The following DPP6 variants were observed in gnomAD, a reference collection of about 807,000 sequenced individuals.
DPP6 encodes the protein dipeptidyl peptidase like 6, also known as A-type potassium channel modulatory protein DPP6.
DPP6 carries 69 observed loss-of-function variants against 122.6 expected under a neutral mutation model. The observed-to-expected ratio is 0.56, with a 90% CI of 0.46 to 0.69. The LOEUF (loss-of-function observed/expected upper bound fraction) is 0.69. Among genes scored for constraint, DPP6 ranks in the 30% least tolerant of loss-of-function variants. The pLI is 0.00. For missense variants in DPP6, 928 were observed against 1,116.9 expected, an observed-to-expected ratio of 0.83 and a Z score of 2.41; for synonymous variants, 418 against 433.1, an observed-to-expected ratio of 0.97 and a Z score of 0.43.
chr7:154,443,590 G>A (rs1285557676), intron 1 of DPP6, among the ~76,000 whole-genome samples: 1 of 149,772 alleles, frequency 6.7e-6, no homozygotes, highest in Non-Finnish European at 1.5e-5. Context: ...GGATGGATGA[G>A]TGGATGGATG....
intron 1 of DPP6, among the ~76,000 whole-genome samples, chr7:154,157,463 G>T (rs1429948556): frequency 2.6e-5 from 4 of 152,178 alleles, no homozygotes; most frequent in Admixed American, 6.6e-5. Flanking sequence ...TCAAAGTAAT[G>T]TATGCACAAC....
At chr7:154,542,110 C>A (rs1828775615) in intron 4 of DPP6, among the ~76,000 whole-genome samples, 1 of 151,938 alleles carries the variant, frequency 6.6e-6, no homozygotes, top group Admixed American at 6.6e-5. Context: ...TGCATGCTGC[C>A]CCTAACATAG....
In DPP6 at chr7:154,264,211, C is replaced by T. The variant is rs139836889; in HGVS notation, c.244-182003C>T. Among the ~76,000 whole-genome samples the T allele has an allele frequency of 1.1e-4, 17 of 152,242 alleles. 1 individual carries two copies. The highest frequency in any genetic ancestry group is 3.3e-4 in the Admixed American group (5 of 15,294). On this transcript the variant is annotated intron_variant, in intron 1 of 25. Coordinates refer to ENST00000377770, the MANE Select transcript of DPP6 (RefSeq NM_130797.4). The stretch of plus-strand genomic sequence containing the variant: ...GCACTGAGTTCAAGTATCCCTAATT[C>T]TCATTATGTGTAATGCATTTACTGT...
intron 5 of DPP6, among the ~76,000 whole-genome samples, chr7:154,570,967 A>C (rs1476255773): frequency 6.6e-6 from 1 of 152,210 alleles, no homozygotes; most frequent in Non-Finnish European, 1.5e-5. Flanking sequence ...CCAGCATTAT[A>C]GTTTGCAATG....
At chr7:154,594,451 A>G (rs988100247) in intron 5 of DPP6, among the ~76,000 whole-genome samples, 8 of 152,316 alleles carry the variant, frequency 5.3e-5, no homozygotes, top group African/African-American at 1.4e-4. Context: ...CAATGAATCA[A>G]TGATGAATAA....
In DPP6 at chr7:154,420,267, C is replaced by T. The variant is rs191882043; in HGVS notation, c.244-25947C>T. ...CAGAGAATTGCTTGAACCCAAGAGG[C>T]GGAGGTTGTAGTCAGCCGAGATGGA... On this transcript the variant is annotated intron_variant, in intron 1 of 25. Transcript: ENST00000377770. Among the ~76,000 whole-genome samples, 919 of 152,236 alleles carry T rather than the reference C, an allele frequency of 6.0e-3. 9 individuals are homozygous for T. The highest frequency in any genetic ancestry group is 0.02 in the African/African-American group (838 of 41,538).
At chr7:154,423,566 A>T (rs1388569078) in intron 1 of DPP6, among the ~76,000 whole-genome samples, 2 of 152,210 alleles carry the variant, frequency 1.3e-5, no homozygotes, top group African/African-American at 4.8e-5. Context: ...AGGCCTAGTT[A>T]AAAAAGGATT....
chr7:154,278,067 C>G (rs950109423), intron 1 of DPP6, among the ~76,000 whole-genome samples: 1 of 152,172 alleles, frequency 6.6e-6, no homozygotes, highest in East Asian at 1.9e-4. Context: ...AAATAAAAAG[C>G]CAGGCCCTCT....
chr7:154,727,902 G>A lies in DPP6; in HGVS notation c.883+15G>A, dbSNP rs200888245. On this transcript the variant is annotated intron_variant, in intron 8 of 25. Transcript: ENST00000377770. ...GCTGTATGAAGGTAAGATGTGCACA[G>A]AGAGAAAAAAGGAAGATTTGTGGTT... The A allele has an allele frequency of 6.9e-4, 1,074 of 1,564,732 alleles. 1 individual carries two copies. The highest frequency in any genetic ancestry group is 3.4e-3 in the Middle Eastern group (20 of 5,872).
intron 1 of DPP6, among the ~76,000 whole-genome samples, chr7:154,081,433 G>A (rs556807805): frequency 4.4e-5 from 4 of 91,796 alleles, no homozygotes; most frequent in African/African-American, 1.5e-4. Context: ...TGCTATTAAT[G>A]ATGCTAAAAC....
intron 16 of DPP6, among the ~76,000 whole-genome samples, chr7:154,813,873 A>G (rs917483661): frequency 1.4e-5 from 1 of 70,012 alleles, no homozygotes; most frequent in Non-Finnish European, 2.9e-5. Flanking sequence ...TGAAAAGCAC[A>G]TTTCTTTTTT....
chr7:153,865,710 G>A, the DPP6 span, among the ~76,000 whole-genome samples: 1 of 152,064 alleles, frequency 6.6e-6, no homozygotes, highest in East Asian at 1.9e-4. Flanking sequence ...GTGCACGTTT[G>A]TTACATATGT....
chr7:154,371,752 C>G (rs1487759677), intron 1 of DPP6, among the ~76,000 whole-genome samples: 3 of 152,114 alleles, frequency 2.0e-5, no homozygotes, highest in Admixed American at 1.3e-4. Context: ...CGGGCAGATA[C>G]CTGTGACCCG....
chr7:154,148,186 A>G (rs1796213233), intron 1 of DPP6, among the ~76,000 whole-genome samples: 1 of 137,606 alleles, frequency 7.3e-6, no homozygotes, highest in Non-Finnish European at 1.6e-5. Flanking sequence ...CCACTGAGCA[A>G]GGCCTGGGGA....
In DPP6 at chr7:154,875,824, G is replaced by A; in HGVS notation, c.1884-82G>A. 1 of 1,525,336 alleles carries A rather than the reference G, an allele frequency of 6.6e-7. No individual in the cohort carries two copies. Among genetic ancestry groups the A allele is most frequent in the Non-Finnish European group, 8.8e-7 (1 of 1,135,400 alleles). The allele number at this position is 1,525,336 out of a possible 1,614,324, so 94.5% of individuals were successfully genotyped here. On this transcript the variant is annotated intron_variant, in intron 19 of 25. Transcript: ENST00000377770. The surrounding 1 kb of genome is among the most constrained non-coding windows in gnomAD (Gnocchi z 4.5). The stretch of plus-strand genomic sequence containing the variant: ...CGGGTCACGGGTAAAATCCCTTACG[G>A]GGGTCATCTGACGTGGCAGCTGCTA...
intron 12 of DPP6, among the ~76,000 whole-genome samples, chr7:154,797,341 A>G (rs1047019979): frequency 3.3e-5 from 5 of 152,118 alleles, no homozygotes; most frequent in African/African-American, 1.2e-4. Flanking sequence ...TATATCCTGG[A>G]ATATTATACA....
intron 5 of DPP6, among the ~76,000 whole-genome samples, chr7:154,626,425 G>A (rs1835070407): frequency 6.6e-6 from 1 of 152,102 alleles, no homozygotes; most frequent in Admixed American, 6.5e-5. Flanking sequence ...TAATCATCTT[G>A]TTATACTTAG....
At chr7:154,629,636 T>C (rs1276300793) in intron 5 of DPP6, among the ~76,000 whole-genome samples, 1 of 152,226 alleles carries the variant, frequency 6.6e-6, no homozygotes, top group African/African-American at 2.4e-5. Context: ...TGAATGGAAT[T>C]GTAGGATTAA....
Position 154,026,843 on chromosome 7 carries a change from CTTG to C in DPP6, c.51+139115_51+139117del, listed in dbSNP as rs1414879639. ...GCCTTTCTGTAATCTTTCATATGAG[CTTG>C]TTGTTCTGTTGATCAATGAATTCGG... On this transcript the variant is annotated intron_variant, in intron 1 of 25. Transcript: ENST00000404039. 5 of 152,164 alleles carry C rather than the reference CTTG, an allele frequency of 3.3e-5. 1 individual carries two copies. Among genetic ancestry groups the C allele is most frequent in the Non-Finnish European group, 2.9e-5 (2 of 68,054 alleles). The allele number at this position is 152,164 out of a possible 1,614,324, so 9.4% of individuals were successfully genotyped here.
Sources: allele counts gnomAD v4.1 joint callset (sites outside exome capture counted in the v4.1 genomes callset), GRCh38; gene constraint gnomAD v4.1.1; non-coding constraint Gnocchi (gnomAD v3.1); transcripts MANE v1.5; gene names NCBI Gene and HGNC (gene_info 2026-07-23, HGNC 2026-07-21).